Variants in BRI3 observed in about 807,000 individuals in gnomAD.
The protein encoded by BRI3 is membrane protein BRI3.
Under a neutral mutation model 12.8 loss-of-function variants are expected in BRI3, and 6 were observed. That is an observed-to-expected ratio of 0.47 (90% CI 0.26 to 0.93). BRI3 has a LOEUF of 0.93. Among genes scored for constraint, BRI3 ranks in the 40% least tolerant of loss-of-function variants. BRI3 has a pLI of 0.15. For synonymous variants in BRI3, 91 were observed against 76.1 expected, an observed-to-expected ratio of 1.20 and a Z score of -1.02; for missense variants, 134 against 171.1, an observed-to-expected ratio of 0.78 and a Z score of 1.21.
intron 1 of BRI3, chr7:98,307,388 G>A (rs1800698802): frequency 1.3e-5 from 16 of 1,200,074 alleles, no homozygotes; most frequent in African/African-American, 1.6e-5. Context: ...TTACAAGCAT[G>A]AGCCACTGCA....
At chr7:98,305,465 G>A (rs192115065), upstream of BRI3, among the ~76,000 whole-genome samples, 6 of 152,278 alleles carry the variant, frequency 3.9e-5, no homozygotes, top group Non-Finnish European at 5.9e-5. Flanking sequence ...ATGCAACGTC[G>A]GACCTGGAGG....
chr7:98,314,813 G>C (rs7791321), downstream of BRI3, among the ~76,000 whole-genome samples: 57,628 of 152,088 alleles, frequency 0.38, 12,438 homozygotes, highest in Middle Eastern at 0.55. Flanking sequence ...AGCAGCCATG[G>C]TGAAGACACT....
exon 2 of BRI3, chr7:98,308,418 A>T (rs1413350173): frequency 2.5e-6 from 1 of 393,410 alleles, no homozygotes; most frequent in African/African-American, 2.1e-5. Flanking sequence ...TTCCATTTAC[A>T]GAGTCCTCAC....
the BRI3 span, among the ~76,000 whole-genome samples, chr7:98,318,643 G>A: frequency 2.6e-5 from 4 of 151,720 alleles, no homozygotes; most frequent in African/African-American, 9.7e-5. Flanking sequence ...AATCTGTGAA[G>A]TGCAGATAAG....
chr7:98,290,996 G>T lies in BRI3; in HGVS notation c.246-115G>T, dbSNP rs1440598614. On this transcript the variant is annotated intron_variant, in intron 2 of 2. Transcript: ENST00000297290. ...GGCTGTTTTCTGTCACTCGCCAGAG[G>T]TCCCCATGTGACTCATGGCCACTGG... 2.4e-6 allele frequency: 3 copies of T among 1,226,292 alleles called. No homozygotes were observed. The African/African-American group carries it at 4.5e-5, about 18-fold the overall frequency. The allele number at this position is 1,226,292 out of a possible 1,614,324, so 76.0% of individuals were successfully genotyped here.
downstream of BRI3, among the ~76,000 whole-genome samples, chr7:98,297,432 C>T (rs1477016675): frequency 2.0e-5 from 3 of 152,198 alleles, no homozygotes; most frequent in East Asian, 5.8e-4. Flanking sequence ...TGGTGGCCCT[C>T]ACTGCAGAGG....
At chr7:98,307,380 A>G in intron 1 of BRI3, 1 of 1,183,346 alleles carries the variant, frequency 8.5e-7, no homozygotes, top group South Asian at 1.8e-5. Context: ...TGCTGGGATT[A>G]CAAGCATGAG....
rs1242325172 is a variant in BRI3, at chr7:98,307,774, T to C, written n.404T>C. ...GTGATGACATCTCCCTGTGCAAAGCTGAGTAAGGTCTTGTTGGAGCCCGCA... is the reference window on the plus strand; with the variant it reads ...GTGATGACATCTCCCTGTGCAAAGCCGAGTAAGGTCTTGTTGGAGCCCGCA... On this transcript the variant is annotated non_coding_transcript_exon_variant, in exon 2 of 2. Coordinates refer to the BRI3 transcript ENST00000485422. 1.9e-6 allele frequency: 3 copies of C among 1,614,156 alleles called. No homozygotes were observed. The highest frequency in any genetic ancestry group is 2.5e-6 in the Non-Finnish European group (3 of 1,180,058).
chr7:98,299,111 G>A (rs1222515633), intron 1 of BRI3, among the ~76,000 whole-genome samples: 1 of 152,084 alleles, frequency 6.6e-6, no homozygotes, highest in Non-Finnish European at 1.5e-5. Flanking sequence ...TGCCTCCCGG[G>A]TTCAACTGAT....
chr7:98,302,930 A>G (rs1342240106), upstream of BRI3, among the ~76,000 whole-genome samples: 9 of 152,120 alleles, frequency 5.9e-5, no homozygotes, highest in African/African-American at 4.8e-5. Context: ...GACTACAGAC[A>G]TGTGCCACCG....
downstream of BRI3, among the ~76,000 whole-genome samples, chr7:98,297,281 C>T (rs1415419263): frequency 6.6e-6 from 1 of 152,232 alleles, no homozygotes; most frequent in African/African-American, 2.4e-5. Context: ...ACCCCCTTCC[C>T]GACTGTACGG....
chr7:98,313,437 C>T (rs961256857), downstream of BRI3, among the ~76,000 whole-genome samples: 2 of 152,032 alleles, frequency 1.3e-5, no homozygotes, highest in African/African-American at 2.4e-5. Flanking sequence ...GGGGATATCA[C>T]GCAGGAAGAG....
chr7:98,317,128 C>T, the BRI3 span: 2 of 1,523,610 alleles, frequency 1.3e-6, no homozygotes, highest in Admixed American at 1.7e-5. Flanking sequence ...GCTGGGATTA[C>T]AGGCGTGAGC....
downstream of BRI3, chr7:98,294,162 A>G: frequency 1.3e-6 from 2 of 1,587,274 alleles, no homozygotes; most frequent in Non-Finnish European, 1.7e-6. Context: ...GGTCTTTTAA[A>G]AATTATTTTA....
downstream of BRI3, among the ~76,000 whole-genome samples, chr7:98,312,678 C>T (rs766175086): frequency 3.9e-5 from 6 of 152,158 alleles, no homozygotes; most frequent in Non-Finnish European, 8.8e-5. Flanking sequence ...CCACGGGCCC[C>T]GTAGTTGACT....
chr7:98,320,319 G>A, the BRI3 span: 1 of 1,552,688 alleles, frequency 6.4e-7, no homozygotes, highest in Non-Finnish European at 8.8e-7. Context: ...AACCAGATAT[G>A]TTAGCGGGAA....
At chr7:98,309,657 T>C (rs1800798170) in exon 2 of BRI3, 2 of 152,346 alleles carry the variant, frequency 1.3e-5, no homozygotes, top group Admixed American at 1.3e-4. Flanking sequence ...TTTTGCCCAA[T>C]AGCTTCACAC....
At chr7:98,292,769 G>A (rs2116764213), downstream of BRI3, 5 of 1,549,710 alleles carry the variant, frequency 3.2e-6, no homozygotes, top group Admixed American at 3.9e-5. Flanking sequence ...CTAGCTGAGT[G>A]AGAACACAAG....
exon 1 of BRI3, chr7:98,306,560 G>A (rs1800665228): frequency 1.2e-6 from 2 of 1,613,762 alleles, no homozygotes; most frequent in African/African-American, 1.3e-5. Context: ...CAGTAGACAT[G>A]TGGACGGCAA....
Sources: gnomAD v4.1 joint callset for allele counts (sites outside exome capture counted in the v4.1 genomes callset) on GRCh38, gnomAD v4.1.1 for gene constraint, MANE v1.5 for transcripts, NCBI Gene and HGNC (gene_info 2026-07-23, HGNC 2026-07-21) for gene names.